GABRR2: variants seen among roughly 807,000 people sequenced by gnomAD.
GABRR2 encodes gamma-aminobutyric acid type A receptor subunit rho2, also known as gamma-aminobutyric acid receptor subunit rho-2.
In GABRR2, 36 loss-of-function variants were observed where a neutral mutation model predicts 47.0. That is an observed-to-expected ratio of 0.77 (90% CI 0.59 to 1.01). The LOEUF is 1.01. Among genes scored for constraint, GABRR2 ranks in the 50% least tolerant of loss-of-function variants. GABRR2 has a pLI of 0.00. For missense variants in GABRR2, 587 were observed against 594.6 expected (o/e 0.99, Z 0.13); for synonymous variants, 204 against 227.5 (o/e 0.90, Z 0.93).
intron 1 of GABRR2, chr6:89,302,605 AC>A (rs1404797376): frequency 8.4e-7 from 1 of 1,185,694 alleles, no homozygotes; most frequent in Non-Finnish European, 1.2e-6. Context: ...AGCCAGCATT[AC>A]CGGGCCCTGA....
At position 89,269,011 on chromosome 6, in the gene GABRR2, C is replaced by T. The variant is rs1773978878; in HGVS notation, c.512G>A (p.Arg171Lys). Residue 171 changes from arginine (R) to lysine (K), a missense_variant and splice_region_variant, in exon 4 of 9, where the codon AGG (arginine) becomes AAG (lysine). Arg to Lys is a conservative substitution (Grantham distance 26). Coordinates refer to ENST00000402938, the MANE Select transcript of GABRR2 (RefSeq NM_002043.5). ...FPDGHVLYSMRITVTAMCNMD... is the reference protein window; with the variant it reads ...FPDGHVLYSMKITVTAMCNMD... ...GGAACAATGGCCCCCAGACAGCTAC[C>T]TCATGCTGTACAGCACGTGTCCATC... The T allele has an allele frequency of 6.2e-7, 1 of 1,612,734 alleles. No individual in the cohort carries two copies. The highest frequency in any genetic ancestry group is 8.5e-7 in the Non-Finnish European group (1 of 1,178,812).
At chr6:89,301,953 T>C (rs2127847997) in intron 1 of GABRR2, 1 of 918,930 alleles carries the variant, frequency 1.1e-6, no homozygotes, top group Non-Finnish European at 1.8e-6. Context: ...CCTCTTCTCA[T>C]AAGTATGTGC....
chr6:89,273,264 G>A (rs553923327), intron 2 of GABRR2, among the ~76,000 whole-genome samples: 5 of 152,038 alleles, frequency 3.3e-5, no homozygotes, highest in South Asian at 4.2e-4. Flanking sequence ...ACAGAGTCTC[G>A]CTCTGTTGCC....
chr6:89,296,820 C>T (rs566861545), intron 2 of GABRR2, among the ~76,000 whole-genome samples: 8 of 152,292 alleles, frequency 5.3e-5, no homozygotes, highest in Non-Finnish European at 8.8e-5. Context: ...TTTCATCTGC[C>T]GTTCCAAGAG....
chr6:89,303,214 T>TC, intron 1 of GABRR2: 1 of 369,330 alleles, frequency 2.7e-6, no homozygotes, highest in Non-Finnish European at 5.4e-6. Context: ...TCCCCAGCTT[T>TC]CCCCCACCAG....
chr6:89,264,405 C>T lies in GABRR2; in HGVS notation c.1086+7G>A. 1.2e-6 allele frequency: 2 copies of T among 1,612,282 alleles called. No homozygotes were observed. Among genetic ancestry groups the T allele is most frequent in the African/African-American group, 1.3e-5 (1 of 74,958 alleles). ...GACTTAGACAAGGGCCGAAGAAGCC[C>T]TCTCACCTTCTCCCGCAGCTTCCGT... On this transcript the variant is annotated splice_region_variant and intron_variant, in intron 8 of 8. Transcript: ENST00000402938.
intron 5 of GABRR2, 84 bp downstream of exon 5, chr6:89,267,930 G>T: frequency 1.3e-6 from 2 of 1,562,650 alleles, no homozygotes; most frequent in Non-Finnish European, 1.8e-6. Context: ...ACGCTGGCGG[G>T]CAGTGCTCAG....
chr6:89,312,784 C>A (rs1463183678), intron 1 of GABRR2, among the ~76,000 whole-genome samples: 1 of 152,240 alleles, frequency 6.6e-6, no homozygotes, highest in African/African-American at 2.4e-5. Context: ...CCCAGAACCA[C>A]ATTCCCTGTC....
At chr6:89,295,505 T>G (rs905679118) in intron 2 of GABRR2, among the ~76,000 whole-genome samples, 3 of 152,192 alleles carry the variant, frequency 2.0e-5, no homozygotes, top group Non-Finnish European at 4.4e-5. Flanking sequence ...TTGTTTGAGT[T>G]CATTGTAGAT....
At chr6:89,311,803 C>A (rs114281818) in intron 1 of GABRR2, among the ~76,000 whole-genome samples, 2 of 152,194 alleles carry the variant, frequency 1.3e-5, no homozygotes, top group Non-Finnish European at 2.9e-5. Flanking sequence ...TCACCACCCC[C>A]CTTTTCAGCT....
At chr6:89,260,844 C>T (rs1218206547) in intron 8 of GABRR2, among the ~76,000 whole-genome samples, 2 of 152,188 alleles carry the variant, frequency 1.3e-5, no homozygotes, top group Non-Finnish European at 1.5e-5. Flanking sequence ...AACCTCAGCT[C>T]TATTGGGAAA....
rs568324125 is a variant in GABRR2 at position 89,269,496 on chromosome 6, G to A, written c.289-262C>T. On this transcript the variant is annotated intron_variant, in intron 3 of 8. Transcript: ENST00000402938. ...AATGAAAACTGCAGCTGTGATGCTC[G>A]CAGCCTGGCCTGGTGGCCAGTGGGG... is the stretch of plus-strand genomic sequence containing the variant. 707 of 505,866 alleles carry A rather than the reference G, an allele frequency of 1.4e-3. 3 individuals are homozygous for A. The highest frequency in any genetic ancestry group is 1.8e-3 in the South Asian group (86 of 47,424). 31.3% of individuals were successfully genotyped at this position (505,866 alleles called of 1,614,324 possible). A position where few individuals can be genotyped will look rare whatever the true frequency, so the allele number is the denominator to read the frequency against.
intron 2 of GABRR2, among the ~76,000 whole-genome samples, chr6:89,285,471 A>C (rs1406833655): frequency 6.6e-6 from 1 of 152,178 alleles, no homozygotes; most frequent in Non-Finnish European, 1.5e-5. Context: ...ACGTGTGAGC[A>C]TGCGATTGCG....
intron 2 of GABRR2, among the ~76,000 whole-genome samples, chr6:89,298,255 C>G (rs755851403): frequency 9.9e-5 from 15 of 152,150 alleles, no homozygotes; most frequent in African/African-American, 3.6e-4. Flanking sequence ...GGCTTTGAGG[C>G]CTTTTAAAAT....
chr6:89,282,049 C>T (rs1774262088), intron 2 of GABRR2, among the ~76,000 whole-genome samples: 1 of 152,204 alleles, frequency 6.6e-6, no homozygotes. Flanking sequence ...CCCTCCATCA[C>T]GACTGCATCA....
chr6:89,267,594 C>G, intron 6 of GABRR2, 85 bp downstream of exon 6: 1 of 1,208,620 alleles, frequency 8.3e-7, no homozygotes, highest in Non-Finnish European at 1.1e-6. Context: ...ACACACAAAA[C>G]ATATTTTCCT....
At chr6:89,296,059 C>T (rs1191203736) in intron 2 of GABRR2, among the ~76,000 whole-genome samples, 1 of 152,184 alleles carries the variant, frequency 6.6e-6, no homozygotes, top group Non-Finnish European at 1.5e-5. Flanking sequence ...AGAAGCCTGT[C>T]AGGGGCTGCT....
At chr6:89,306,903 A>G (rs2127850101) in intron 1 of GABRR2, among the ~76,000 whole-genome samples, 1 of 149,590 alleles carries the variant, frequency 6.7e-6, no homozygotes, top group East Asian at 1.9e-4. Flanking sequence ...AATCCACAGT[A>G]CGTTACCTGT....
intron 1 of GABRR2, among the ~76,000 whole-genome samples, chr6:89,309,792 T>TTC (rs1767648419): frequency 6.6e-6 from 1 of 151,538 alleles, no homozygotes; most frequent in African/African-American, 2.4e-5. Context: ...TATTATTATT[T>TTC]TTAGAGACAG....
Sources: allele counts gnomAD v4.1 joint callset (sites outside exome capture counted in the v4.1 genomes callset), GRCh38; gene constraint gnomAD v4.1.1; transcripts MANE v1.5; gene names NCBI Gene and HGNC (gene_info 2026-07-23, HGNC 2026-07-21).